Variants in SDK1 observed in about 807,000 individuals in gnomAD.
SDK1 encodes the protein sidekick cell adhesion molecule 1.
A neutral mutation model predicts 245.5 loss-of-function variants in SDK1; 157 were observed. The observed-to-expected ratio is 0.64, with a 90% confidence interval of 0.56 to 0.73. The LOEUF (loss-of-function observed/expected upper bound fraction) is 0.73. Ranked by LOEUF, SDK1 falls within the 30% of genes least tolerant of loss-of-function variation. The pLI, the probability that SDK1 is intolerant of heterozygous loss-of-function variation, is 0.00. For missense variants in SDK1, 3,583 were observed against 3,002.3 expected (o/e 1.19, Z -4.52); for synonymous variants, 1,647 against 1,278.5 (o/e 1.29, Z -6.15).
chr7:4,083,546 C>CTCCCTCCCTCCCTGCCTCCCTTCA (rs1210727847), intron 22 of SDK1, among the ~76,000 whole-genome samples: 1 of 93,138 alleles, frequency 1.1e-5, no homozygotes, highest in African/African-American at 5.8e-5. Flanking sequence ...CCCTCCCTCC[C>CTCCCTCCCTCCCTGCCTCCCTTCA]TCCCTCCCTC....
intron 22 of SDK1, among the ~76,000 whole-genome samples, chr7:4,084,870 C>T (rs1159443119): frequency 1.3e-5 from 2 of 152,106 alleles, no homozygotes; most frequent in East Asian, 1.9e-4. Flanking sequence ...TCAAGTGATT[C>T]TCCTGCCTCA....
intron 4 of SDK1, among the ~76,000 whole-genome samples, chr7:3,727,637 C>A (rs1026750499): frequency 1.1e-4 from 16 of 152,004 alleles, no homozygotes; most frequent in African/African-American, 3.9e-4. Flanking sequence ...ATTATAGGCA[C>A]ACACCAGCGC....
rs544834409 is a variant in SDK1 at position 3,905,862 on chromosome 7, G to A, written c.848-45061G>A. On this transcript the variant is annotated intron_variant, in intron 5 of 44. Coordinates refer to ENST00000404826, the MANE Select transcript of SDK1 (RefSeq NM_152744.4). ...TGGTCTTGAACTCTTGGCCTCAAGC[G>A]ATCCTCCCACCTCAGCCTCCCAAAG... is the stretch of plus-strand genomic sequence containing the variant. 2.0e-4 allele frequency among the ~76,000 whole-genome samples: 30 copies of A among 152,120 alleles called. No individual in the cohort carries two copies. The South Asian group carries it at 4.6e-3, about 23-fold the overall frequency.
intron 1 of SDK1, among the ~76,000 whole-genome samples, chr7:3,445,575 G>A (rs926792322): frequency 6.6e-6 from 1 of 152,124 alleles, no homozygotes; most frequent in Non-Finnish European, 1.5e-5. Context: ...TCCTCACCTG[G>A]TTGCTCCTAA....
chr7:3,662,986 A>T (rs948056395), intron 4 of SDK1, among the ~76,000 whole-genome samples: 3 of 152,226 alleles, frequency 2.0e-5, no homozygotes, highest in African/African-American at 7.2e-5. Context: ...TGTATTATGT[A>T]TATGCAAGTA....
At chr7:3,887,089 C>T (rs576990405) in intron 5 of SDK1, among the ~76,000 whole-genome samples, 119 of 152,220 alleles carry the variant, frequency 7.8e-4, no homozygotes, top group African/African-American at 2.6e-3. Context: ...GCAAACAACT[C>T]GGTAATCTCA....
At chr7:3,859,200 T>C (rs780352266) in intron 5 of SDK1, among the ~76,000 whole-genome samples, 34 of 152,006 alleles carry the variant, frequency 2.2e-4, no homozygotes, top group Non-Finnish European at 4.3e-4. Context: ...GGGTCATGAA[T>C]TGGAAAAGGG....
At chr7:3,819,688 G>C (rs762005277) in intron 4 of SDK1, among the ~76,000 whole-genome samples, 1 of 151,970 alleles carries the variant, frequency 6.6e-6, no homozygotes, top group Non-Finnish European at 1.5e-5. Context: ...ACTAAAAATT[G>C]AAAACTTCCT....
intron 1 of SDK1, among the ~76,000 whole-genome samples, chr7:3,614,901 A>G (rs1781719909): frequency 6.9e-6 from 1 of 144,076 alleles, no homozygotes; most frequent in African/African-American, 2.5e-5. Context: ...ATATGAAACC[A>G]TTCTTTAAAA....
At chr7:3,658,340 C>T (rs1562636555) in intron 4 of SDK1, among the ~76,000 whole-genome samples, 1 of 152,140 alleles carries the variant, frequency 6.6e-6, no homozygotes, top group Non-Finnish European at 1.5e-5. Context: ...GGTCATCCTT[C>T]ATTTATTCTT....
intron 1 of SDK1, among the ~76,000 whole-genome samples, chr7:3,408,291 G>T (rs777882572): frequency 1.7e-4 from 26 of 152,046 alleles, no homozygotes; most frequent in Non-Finnish European, 3.4e-4. Context: ...TGATATGCCT[G>T]CTGTGGCCTC....
intron 22 of SDK1, among the ~76,000 whole-genome samples, chr7:4,101,218 G>A (rs993038808): frequency 1.2e-4 from 18 of 150,348 alleles, no homozygotes; most frequent in African/African-American, 4.4e-4. Context: ...GTGCGATCTC[G>A]GCAAGCTCCG....
At chr7:4,225,094 CAGA>C (rs997416935) in intron 40 of SDK1, among the ~76,000 whole-genome samples, 3 of 145,792 alleles carry the variant, frequency 2.1e-5, no homozygotes, top group African/African-American at 7.5e-5. Flanking sequence ...TCCCTGACTA[CAGA>C]TTAAGGATCC....
At chr7:3,777,221 G>A (rs897213439) in intron 4 of SDK1, among the ~76,000 whole-genome samples, 2 of 152,184 alleles carry the variant, frequency 1.3e-5, no homozygotes, top group Admixed American at 1.3e-4. Context: ...GCAGACCTGT[G>A]CAGAACGCGA....
At chr7:3,611,743 G>C (rs1781598700) in intron 1 of SDK1, among the ~76,000 whole-genome samples, 1 of 151,870 alleles carries the variant, frequency 6.6e-6, no homozygotes, top group African/African-American at 2.4e-5. Flanking sequence ...TATGGCTATT[G>C]ATCAGGAAAA....
intron 5 of SDK1, among the ~76,000 whole-genome samples, chr7:3,871,442 G>T (rs1376732104): frequency 1.3e-5 from 2 of 152,154 alleles, no homozygotes; most frequent in Non-Finnish European, 2.9e-5. Flanking sequence ...GTAGTACAGG[G>T]GATGTGTCTT....
At chr7:4,106,728 A>G (rs897603525) in intron 22 of SDK1, among the ~76,000 whole-genome samples, 3 of 151,528 alleles carry the variant, frequency 2.0e-5, no homozygotes, top group Non-Finnish European at 4.4e-5. Context: ...TGCTCTCTCA[A>G]CGCGGCGCGT....
intron 1 of SDK1, among the ~76,000 whole-genome samples, chr7:3,307,275 C>T (rs1180489073): frequency 3.3e-5 from 5 of 152,034 alleles, no homozygotes; most frequent in Non-Finnish European, 5.9e-5. Flanking sequence ...TAGCCATAAT[C>T]CTGAGGGAGG....
chr7:3,396,261 T>C (rs531970657), intron 1 of SDK1, among the ~76,000 whole-genome samples: 5 of 152,044 alleles, frequency 3.3e-5, no homozygotes, highest in African/African-American at 9.6e-5. Context: ...AAATATACTT[T>C]ATACGATTTT....
Sources: allele counts gnomAD v4.1 joint callset (sites outside exome capture counted in the v4.1 genomes callset), GRCh38; gene constraint gnomAD v4.1.1; transcripts MANE v1.5; gene names NCBI Gene and HGNC (gene_info 2026-07-23, HGNC 2026-07-21).